RBM23: variants seen among roughly 807,000 people sequenced by gnomAD.
The protein encoded by RBM23 is RNA binding motif protein 23.
RBM23 carries 53 observed loss-of-function variants against 56.2 expected under a neutral mutation model. The observed-to-expected ratio is 0.94, with a 90% CI of 0.76 to 1.19. The LOEUF is 1.19. Ranked by LOEUF, RBM23 falls within the 50% of genes most tolerant of loss-of-function variation. The pLI is 0.00. For synonymous variants in RBM23, 197 were observed against 198.5 expected, an observed-to-expected ratio of 0.99 and a Z score of 0.06; for missense variants, 642 against 590.3, an observed-to-expected ratio of 1.09 and a Z score of -0.91.
Position 22,896,740 on chromosome 14 carries a change from C to T in RBM23, c.*4990G>A, listed in dbSNP as rs1289210097. The T allele has an allele frequency of 1.3e-5, 2 of 152,240 alleles. No homozygotes were observed. The highest frequency in any genetic ancestry group is 6.5e-5 in the Admixed American group (1 of 15,270). The allele number at this position is 152,240 out of a possible 1,614,324, so 9.4% of individuals were successfully genotyped here. The stretch of plus-strand genomic sequence containing the variant: ...CTTTGCTCAGCTCTTTCCTTGCACC[C>T]ACCTTCCCACGTGATCTAAGTTGGT... On this transcript the variant is annotated 3_prime_UTR_variant, in exon 14 of 14. Transcript: ENST00000359890.
At chr14:22,901,930 T>A in intron 12 of RBM23, 47 bp from the exon 13 acceptor site, 1 of 1,612,984 alleles carries the variant, frequency 6.2e-7, no homozygotes, top group Non-Finnish European at 8.5e-7. Flanking sequence ...CGCGCACTCC[T>A]TCTTTCCAGA....
At chr14:22,908,293 T>TA in intron 4 of RBM23, 40 bp downstream of exon 4, 5 of 1,546,410 alleles carry the variant, frequency 3.2e-6, no homozygotes, top group Non-Finnish European at 4.4e-6. Context: ...GTGCTAGGAT[T>TA]AAAGATACGA....
chr14:22,903,449 T>C (rs1423529874), intron 10 of RBM23: 3 of 985,424 alleles, frequency 3.0e-6, no homozygotes, highest in Non-Finnish European at 2.4e-6. Flanking sequence ...CACAGCTAGC[T>C]TGTTTAGCTA....
At chr14:22,911,213 T>A (rs1241996076) in intron 2 of RBM23, 115 bp downstream of exon 2, 32 of 843,008 alleles carry the variant, frequency 3.8e-5, no homozygotes, top group Non-Finnish European at 5.1e-5. Flanking sequence ...TTAGTTATTC[T>A]ACATAATAAA....
At chr14:22,910,063 G>C (rs2042192020) in intron 2 of RBM23, among the ~76,000 whole-genome samples, 1 of 144,412 alleles carries the variant, frequency 6.9e-6, no homozygotes, top group Non-Finnish European at 1.5e-5. Context: ...TGAGGCAGGA[G>C]AATCATTTGA....
intron 1 of RBM23, among the ~76,000 whole-genome samples, chr14:22,912,760 C>T (rs1315870112): frequency 6.6e-5 from 10 of 151,644 alleles, no homozygotes; most frequent in South Asian, 2.1e-4. Flanking sequence ...GAGGCCGAGG[C>T]GGGCAGATCA....
intron 5 of RBM23, 59 bp from the exon 6 acceptor site, chr14:22,905,718 C>A: frequency 7.5e-7 from 1 of 1,331,754 alleles, no homozygotes; most frequent in Non-Finnish European, 1.1e-6. Flanking sequence ...AATGCTGGGT[C>A]TTCCATGGTG....
intron 1 of RBM23, among the ~76,000 whole-genome samples, chr14:22,913,380 C>G (rs2042924513): frequency 6.8e-6 from 1 of 146,798 alleles, no homozygotes; most frequent in African/African-American, 2.5e-5. Flanking sequence ...CGCCACTGCA[C>G]TCCAACCTGG....
At chr14:22,914,916 G>C (rs895549306) in intron 1 of RBM23, among the ~76,000 whole-genome samples, 5 of 148,526 alleles carry the variant, frequency 3.4e-5, no homozygotes, top group African/African-American at 9.9e-5. Flanking sequence ...CTGGGAGGCA[G>C]AGGTTGCAGT....
At position 22,901,455 on chromosome 14, in the gene RBM23, T is replaced by C. The variant is rs1174056765; in HGVS notation, c.*275A>G. The C allele has an allele frequency of 3.5e-6, 2 of 573,996 alleles. No individual in the cohort carries two copies. Among genetic ancestry groups the C allele is most frequent in the Admixed American group, 3.1e-5 (1 of 32,290 alleles). The allele number at this position is 573,996 out of a possible 1,614,324, so 35.6% of individuals were successfully genotyped here. On this transcript the variant is annotated 3_prime_UTR_variant, in exon 14 of 14. Transcript: ENST00000359890. ...GGTGTTGGAAAGGGCAAGAAGGTAA[T>C]CTCAGAGACGATACACATGGAGAAA...
intron 2 of RBM23, among the ~76,000 whole-genome samples, chr14:22,909,927 C>T (rs1323353120): frequency 1.3e-5 from 2 of 151,262 alleles, no homozygotes; most frequent in African/African-American, 2.4e-5. Context: ...CTGAGGCAGG[C>T]GGATCAATTG....
rs201314371 is a variant in RBM23 at position 22,901,993 on chromosome 14, T to A, written c.1233A>T (p.Pro411=). The change falls in exon 12 of 14, where the codon CCA becomes CCT. Residue 411 remains proline, a synonymous_variant. Transcript: ENST00000359890. ...GTCCAAGACTACCAGTCAGAGCTGC[T>A]GGATTCAGGGCCCCCAAGGGAACTG... ...NGAVPLGALN[P]AALTALSPAL... The A allele has an allele frequency of 1.2e-5, 19 of 1,612,004 alleles. No individual in the cohort carries two copies. Among genetic ancestry groups the A allele is most frequent in the Non-Finnish European group, 1.4e-5 (17 of 1,178,498 alleles).
intron 1 of RBM23, among the ~76,000 whole-genome samples, chr14:22,916,621 T>C (rs1271268102): frequency 6.6e-6 from 1 of 151,602 alleles, no homozygotes; most frequent in Non-Finnish European, 1.5e-5. Flanking sequence ...ATATCTATTA[T>C]ATCAGATTAC....
At chr14:22,904,759 A>G in intron 9 of RBM23, 116 bp downstream of exon 9, 4 of 1,451,222 alleles carry the variant, frequency 2.8e-6, no homozygotes, top group Non-Finnish European at 3.8e-6. Flanking sequence ...TCATATGCCC[A>G]CTATGACGTA....
At chr14:22,909,753 A>C (rs1262811033) in intron 2 of RBM23, among the ~76,000 whole-genome samples, 158 bp from the exon 3 acceptor site, 1 of 152,208 alleles carries the variant, frequency 6.6e-6, no homozygotes, top group Non-Finnish European at 1.5e-5. Flanking sequence ...GGAGTAAGAA[A>C]GGAATCAAGG....
intron 1 of RBM23, chr14:22,917,584 G>A (rs1290623041): frequency 7.0e-6 from 1 of 143,580 alleles, no homozygotes. Context: ...TTTTTTTTTT[G>A]TATTTTTAGT....
chr14:22,917,541 G>T (rs1185486440), intron 1 of RBM23: 1 of 148,400 alleles, frequency 6.7e-6, no homozygotes, highest in African/African-American at 2.5e-5. Context: ...TGCATTTTCA[G>T]GCTGGTAGTT....
At position 22,900,329 on chromosome 14, in the gene RBM23, ACCC is replaced by A. The variant is rs34197647; in HGVS notation, c.*1398_*1400del. On this transcript the variant is annotated 3_prime_UTR_variant, in exon 14 of 14. Transcript: ENST00000359890. ...TGGTACTTAACTCTTCAAGATCACAACCCCCCCCCCTCCCCGCCCCGCCCCACT... is the reference window on the plus strand; with the variant it reads ...TGGTACTTAACTCTTCAAGATCACAACCCCCCCTCCCCGCCCCGCCCCACT... 1.1e-4 allele frequency: 15 copies of A among 132,570 alleles called. No individual in the cohort carries two copies. Among genetic ancestry groups the A allele is most frequent in the East Asian group, 7.0e-4 (3 of 4,266 alleles). 8.2% of individuals were successfully genotyped at this position (132,570 alleles called of 1,614,324 possible).
In RBM23 at chr14:22,901,972, A is replaced by G. The variant is rs201033835; in HGVS notation, c.1246+8T>C. 8.6e-4 allele frequency: 1,391 copies of G among 1,611,176 alleles called. 26 individuals carry two copies. In the South Asian group the frequency reaches 0.015, roughly 17 times the overall value. On this transcript the variant is annotated splice_region_variant and intron_variant, in intron 12 of 13. Coordinates refer to ENST00000359890, the MANE Select transcript of RBM23 (RefSeq NM_001077351.2). ...AACCTTCCCTTCCTTTCCCATGTCCAAGACTACCAGTCAGAGCTGCTGGAT... is the reference window on the plus strand; with the variant it reads ...AACCTTCCCTTCCTTTCCCATGTCCGAGACTACCAGTCAGAGCTGCTGGAT...
Sources: gnomAD v4.1 joint callset for allele counts (sites outside exome capture counted in the v4.1 genomes callset) on GRCh38, gnomAD v4.1.1 for gene constraint, MANE v1.5 for transcripts, NCBI Gene and HGNC (gene_info 2026-07-23, HGNC 2026-07-21) for gene names.